Variants in GPC6 observed in about 807,000 individuals in gnomAD.
GPC6 encodes glypican 6.
Under a neutral mutation model 55.2 loss-of-function variants are expected in GPC6, and 14 were observed. That is an observed-to-expected ratio of 0.25 (90% CI 0.17 to 0.40). The LOEUF is 0.40. Ranked by LOEUF, GPC6 falls within the 10% of genes least tolerant of loss-of-function variation. The pLI is 1.00. For synonymous variants in GPC6, 278 were observed against 259.6 expected (o/e 1.07, Z -0.68); for missense variants, 641 against 708.5 (o/e 0.90, Z 1.08).
chr13:94,129,915 G>T (rs1389155109), intron 4 of GPC6, among the ~76,000 whole-genome samples: 1 of 151,890 alleles, frequency 6.6e-6, no homozygotes, highest in Non-Finnish European at 1.5e-5. Context: ...AACCAGGCAG[G>T]GTCTGTATGT....
chr13:94,226,956 G>C (rs1235875836), intron 4 of GPC6, among the ~76,000 whole-genome samples: 1 of 152,124 alleles, frequency 6.6e-6, no homozygotes, highest in Non-Finnish European at 1.5e-5. Flanking sequence ...ATGGGCTCCA[G>C]CCTGGCTTTA....
chr13:93,911,445 T>G (rs1278609571), intron 3 of GPC6, among the ~76,000 whole-genome samples: 1 of 152,020 alleles, frequency 6.6e-6, no homozygotes, highest in Admixed American at 6.6e-5. Flanking sequence ...TGTATTTCCT[T>G]AAATCTTTTT....
intron 1 of GPC6, among the ~76,000 whole-genome samples, chr13:93,524,323 G>C (rs771937089): frequency 6.6e-6 from 1 of 151,936 alleles, no homozygotes; most frequent in Non-Finnish European, 1.5e-5. Context: ...TCCTAAGTGA[G>C]GCCAGCTTCA....
chr13:93,987,033 A>AT (rs1236113025), intron 3 of GPC6, among the ~76,000 whole-genome samples: 2 of 152,094 alleles, frequency 1.3e-5, no homozygotes, highest in South Asian at 2.1e-4. Context: ...GCATGATGAC[A>AT]TTTTTACTTT....
At chr13:93,741,115 A>ATC (rs1884183711) in intron 2 of GPC6, among the ~76,000 whole-genome samples, 1 of 122,080 alleles carries the variant, frequency 8.2e-6, no homozygotes, top group Non-Finnish European at 1.8e-5. Context: ...CCCATCCAGA[A>ATC]TCTTTTTTTT....
intron 1 of GPC6, among the ~76,000 whole-genome samples, chr13:93,431,542 ATCAG>A (rs1877358899): frequency 1.3e-5 from 2 of 152,176 alleles, no homozygotes; most frequent in South Asian, 4.1e-4. Flanking sequence ...CTAAATTCCT[ATCAG>A]TCAGGAGACA....
intron 2 of GPC6, among the ~76,000 whole-genome samples, chr13:93,594,917 A>G (rs1212730532): frequency 2.0e-5 from 3 of 151,890 alleles, no homozygotes; most frequent in Non-Finnish European, 4.4e-5. Context: ...TCCAAAATAC[A>G]CCACCTTCAA....
chr13:94,377,583 T>C (rs1373998382), intron 6 of GPC6, among the ~76,000 whole-genome samples: 1 of 149,282 alleles, frequency 6.7e-6, no homozygotes, highest in Non-Finnish European at 1.5e-5. Flanking sequence ...TAGGAACACT[T>C]TTACACTGTT....
intron 4 of GPC6, among the ~76,000 whole-genome samples, chr13:94,132,057 A>G (rs562103077): frequency 1.8e-3 from 274 of 152,214 alleles, no homozygotes; most frequent in Non-Finnish European, 3.2e-3. Flanking sequence ...CCCTGGCTCC[A>G]TTTCCTGTCA....
intron 4 of GPC6, among the ~76,000 whole-genome samples, chr13:94,259,173 C>G (rs964992717): frequency 6.6e-6 from 1 of 152,130 alleles, no homozygotes; most frequent in Non-Finnish European, 1.5e-5. Flanking sequence ...CCCCAAAGCC[C>G]CTGCCACACT....
At chr13:94,240,241 A>G (rs1891013312) in intron 4 of GPC6, among the ~76,000 whole-genome samples, 1 of 152,158 alleles carries the variant, frequency 6.6e-6, no homozygotes, top group African/African-American at 2.4e-5. Flanking sequence ...TGAACAGCAC[A>G]GCCATAGGCA....
intron 4 of GPC6, among the ~76,000 whole-genome samples, chr13:94,058,219 A>T (rs1472527315): frequency 6.6e-6 from 1 of 152,192 alleles, no homozygotes; most frequent in African/African-American, 2.4e-5. Context: ...ATTTGATTTT[A>T]TAAGCTTGAG....
chr13:93,459,218 C>T (rs1469444593), intron 1 of GPC6, among the ~76,000 whole-genome samples: 1 of 152,130 alleles, frequency 6.6e-6, no homozygotes, highest in African/African-American at 2.4e-5. Flanking sequence ...GCCACCACAC[C>T]CAGCCAATTT....
chr13:94,388,040 C>CAA (rs1389985674), intron 7 of GPC6, among the ~76,000 whole-genome samples: 16 of 152,168 alleles, frequency 1.1e-4, no homozygotes, highest in African/African-American at 3.6e-4. Context: ...CTTGGAGTAG[C>CAA]AAGGCTTGAA....
chr13:93,657,293 A>T (rs1045307423), intron 2 of GPC6, among the ~76,000 whole-genome samples: 1 of 151,972 alleles, frequency 6.6e-6, no homozygotes, highest in Non-Finnish European at 1.5e-5. Flanking sequence ...CAGAAATAAA[A>T]CTGCACACCT....
Position 94,286,499 on chromosome 13 carries a change from A to G in GPC6, c.1008+20A>G. 4 of 1,606,290 alleles carry G rather than the reference A, an allele frequency of 2.5e-6. No individual in the cohort carries two copies. Among genetic ancestry groups the G allele is most frequent in the South Asian group, 1.1e-5 (1 of 90,916 alleles). ...GCAAAGGTATTTGCATTAGTAATGT[A>G]TCTGCCAATACATGTATGTTATACA... is the stretch of plus-strand genomic sequence containing the variant. On this transcript the variant is annotated intron_variant, in intron 5 of 8. Coordinates refer to ENST00000377047, the MANE Select transcript of GPC6 (RefSeq NM_005708.5).
chr13:93,819,787 C>T (rs1480694870), intron 2 of GPC6, among the ~76,000 whole-genome samples: 3 of 152,116 alleles, frequency 2.0e-5, no homozygotes, highest in African/African-American at 7.2e-5. Flanking sequence ...TCTATACCAC[C>T]ATGAGAACAT....
intron 4 of GPC6, among the ~76,000 whole-genome samples, chr13:94,175,272 C>G (rs905148724): frequency 1.3e-5 from 2 of 152,128 alleles, no homozygotes; most frequent in African/African-American, 4.8e-5. Flanking sequence ...ATAATATGCT[C>G]TCTGTTGCAA....
At chr13:94,146,029 A>G (rs940680020) in intron 4 of GPC6, among the ~76,000 whole-genome samples, 2 of 152,210 alleles carry the variant, frequency 1.3e-5, no homozygotes, top group Admixed American at 6.5e-5. Context: ...AATTTAAATG[A>G]GCAAGTAACC....
Sources: allele counts gnomAD v4.1 joint callset (sites outside exome capture counted in the v4.1 genomes callset), GRCh38; gene constraint gnomAD v4.1.1; transcripts MANE v1.5; gene names NCBI Gene and HGNC (gene_info 2026-07-23, HGNC 2026-07-21).